The following FGF12 variants were observed in gnomAD, a reference collection of about 807,000 sequenced individuals.
FGF12 encodes fibroblast growth factor 12B.
A neutral mutation model predicts 23.6 loss-of-function variants in FGF12; 14 were observed. That is an observed-to-expected ratio of 0.59 (90% CI 0.39 to 0.93). The LOEUF is 0.93. Ranked by LOEUF, FGF12 falls within the 40% of genes least tolerant of loss-of-function variation. FGF12 has a pLI of 0.00. For synonymous variants in FGF12, 62 were observed against 77.3 expected, an observed-to-expected ratio of 0.80 and a Z score of 1.04; for missense variants, 175 against 217.8, an observed-to-expected ratio of 0.80 and a Z score of 1.24.
At chr3:192,150,077 A>AT (rs1220567387) in intron 5 of FGF12, among the ~76,000 whole-genome samples, 1 of 82,998 alleles carries the variant, frequency 1.2e-5, no homozygotes, top group African/African-American at 4.4e-5. Flanking sequence ...GATGATGAGC[A>AT]TTTTTTCATG....
chr3:192,626,808 G>A (rs7627702), intron 2 of FGF12, among the ~76,000 whole-genome samples: 116,951 of 151,924 alleles, frequency 0.77, 45,901 homozygotes, highest in African/African-American at 0.94. Context: ...GTGTCTCACT[G>A]CATTGCCCAG....
At chr3:192,415,732 T>TCTCACACACA (rs369293180) in intron 2 of FGF12, among the ~76,000 whole-genome samples, 3 of 117,934 alleles carry the variant, frequency 2.5e-5, no homozygotes, top group Non-Finnish European at 3.6e-5. Context: ...TCTCTCTCTC[T>TCTCACACACA]CACACACACA....
At chr3:192,327,905 T>G (rs2108688578) in intron 4 of FGF12, among the ~76,000 whole-genome samples, 1 of 152,282 alleles carries the variant, frequency 6.6e-6, no homozygotes, top group African/African-American at 2.4e-5. Context: ...TCACCTCTTG[T>G]CCAGGTTCAA....
At chr3:192,406,006 T>C (rs1180119702) in intron 2 of FGF12, among the ~76,000 whole-genome samples, 1 of 152,158 alleles carries the variant, frequency 6.6e-6, no homozygotes, top group Non-Finnish European at 1.5e-5. Flanking sequence ...ATTTTGACAC[T>C]TTAGCTAAAG....
At chr3:192,588,182 G>GA (rs1389039627) in intron 2 of FGF12, among the ~76,000 whole-genome samples, 159 of 147,836 alleles carry the variant, frequency 1.1e-3, no homozygotes, top group Middle Eastern at 3.5e-3. Context: ...CGTCTCTACT[G>GA]AAAAAAAAAT....
intron 2 of FGF12, among the ~76,000 whole-genome samples, chr3:192,645,389 T>C (rs1485247577): frequency 6.6e-6 from 1 of 152,180 alleles, no homozygotes; most frequent in Non-Finnish European, 1.5e-5. Context: ...CTGGACCTTA[T>C]GACCAGTTCC....
chr3:192,398,629 G>A (rs956032949), intron 2 of FGF12, among the ~76,000 whole-genome samples: 2 of 152,194 alleles, frequency 1.3e-5, no homozygotes, highest in African/African-American at 2.4e-5. Flanking sequence ...TGATCTGCCC[G>A]CCTCAGCTTC....
chr3:192,600,948 C>T (rs1714088569), intron 2 of FGF12, among the ~76,000 whole-genome samples: 3 of 152,022 alleles, frequency 2.0e-5, no homozygotes, highest in Admixed American at 1.3e-4. Context: ...TACTACTGAG[C>T]ATCTATCCCA....
rs533049336 is a variant in FGF12, at chr3:192,660,476, G to A, written c.13+66705C>T. 4.0e-3 allele frequency among the ~76,000 whole-genome samples: 606 copies of A among 150,662 alleles called. 2 individuals are homozygous for A. The highest frequency in any genetic ancestry group is 0.025 in the South Asian group (117 of 4,754). On this transcript the variant is annotated intron_variant, in intron 2 of 5. Coordinates refer to ENST00000445105, the MANE Select transcript of FGF12 (RefSeq NM_004113.6). The stretch of plus-strand genomic sequence containing the variant: ...GTATACATATGTAACAAACCTGCAC[G>A]TTGTGCACATGTACCCTAGAACTTA...
At chr3:192,323,670 G>A (rs1716663835) in intron 4 of FGF12, among the ~76,000 whole-genome samples, 2 of 152,120 alleles carry the variant, frequency 1.3e-5, no homozygotes, top group African/African-American at 4.8e-5. Flanking sequence ...ATAAGCTAAT[G>A]TACATTTTAA....
chr3:192,270,814 AGG>A (rs1713388144), intron 4 of FGF12, among the ~76,000 whole-genome samples: 1 of 149,912 alleles, frequency 6.7e-6, no homozygotes, highest in Non-Finnish European at 1.5e-5. Context: ...GAAGGAAGGA[AGG>A]AAAGAAGGAA....
intron 2 of FGF12, among the ~76,000 whole-genome samples, chr3:192,453,939 A>T (rs1200182432): frequency 6.6e-6 from 1 of 152,184 alleles, no homozygotes; most frequent in African/African-American, 2.4e-5. Context: ...AGGACCAAAG[A>T]TATTTCTTTC....
At chr3:192,295,740 T>C (rs1714993037) in intron 4 of FGF12, among the ~76,000 whole-genome samples, 1 of 152,178 alleles carries the variant, frequency 6.6e-6, no homozygotes, top group Admixed American at 6.5e-5. Context: ...TAAAATCAAA[T>C]CTCTTCCCTG....
At chr3:192,338,555 C>T (rs968741389) in intron 3 of FGF12, among the ~76,000 whole-genome samples, 2 of 152,104 alleles carry the variant, frequency 1.3e-5, no homozygotes, top group African/African-American at 4.8e-5. Flanking sequence ...CCTTCTCAAC[C>T]TTTGCCTATT....
chr3:192,577,051 G>A (rs1309801524), intron 2 of FGF12, among the ~76,000 whole-genome samples: 1 of 152,114 alleles, frequency 6.6e-6, no homozygotes, highest in African/African-American at 2.4e-5. Flanking sequence ...ACCAGGGCCT[G>A]TCGGCGGGTG....
intron 2 of FGF12, among the ~76,000 whole-genome samples, chr3:192,500,247 C>T (rs891495802): frequency 2.6e-5 from 4 of 152,330 alleles, no homozygotes; most frequent in Admixed American, 6.5e-5. Flanking sequence ...CTCTTACACA[C>T]CTGGAAGGAT....
At chr3:192,307,996 A>G (rs1024317466) in intron 4 of FGF12, among the ~76,000 whole-genome samples, 5 of 152,236 alleles carry the variant, frequency 3.3e-5, no homozygotes, top group African/African-American at 1.2e-4. Context: ...TATAGATTTG[A>G]GAATAAAGAC....
chr3:192,480,103 T>C (rs1560124078), intron 2 of FGF12, among the ~76,000 whole-genome samples: 1 of 152,192 alleles, frequency 6.6e-6, no homozygotes, highest in South Asian at 2.1e-4. Flanking sequence ...CACCAACAAG[T>C]AGAATTATTT....
intron 2 of FGF12, among the ~76,000 whole-genome samples, chr3:192,378,785 A>T (rs550942044): frequency 1.3e-5 from 2 of 151,974 alleles, no homozygotes; most frequent in African/African-American, 4.8e-5. Context: ...AGGTTCAGGG[A>T]TACATATGCA....
Sources: gnomAD v4.1 joint callset for allele counts (sites outside exome capture counted in the v4.1 genomes callset) on GRCh38, gnomAD v4.1.1 for gene constraint, MANE v1.5 for transcripts, NCBI Gene and HGNC (gene_info 2026-07-23, HGNC 2026-07-21) for gene names.